The following DLGAP2 variants were observed in gnomAD, a reference collection of about 807,000 sequenced individuals.
DLGAP2 encodes DLG associated protein 2.
A neutral mutation model predicts 100.3 loss-of-function variants in DLGAP2; 26 were observed. The ratio of observed to expected loss-of-function variants is 0.26; its 90% CI spans 0.19 to 0.36. DLGAP2 has a LOEUF of 0.36. Among genes scored for constraint, DLGAP2 ranks in the 10% least tolerant of loss-of-function variants. DLGAP2 has a pLI of 1.00. For synonymous variants in DLGAP2, 886 were observed against 630.1 expected, an observed-to-expected ratio of 1.41 and a Z score of -6.08; for missense variants, 1,858 against 1,453.2, an observed-to-expected ratio of 1.28 and a Z score of -4.53.
At chr8:1,638,845 G>A (rs1341346688) in intron 8 of DLGAP2, among the ~76,000 whole-genome samples, 1 of 152,234 alleles carries the variant, frequency 6.6e-6, no homozygotes, top group Non-Finnish European at 1.5e-5. Flanking sequence ...CGCAGAGAAG[G>A]CAGCGGATGC....
intron 8 of DLGAP2, among the ~76,000 whole-genome samples, chr8:1,656,710 C>T (rs1254597311): frequency 6.6e-6 from 1 of 152,212 alleles, no homozygotes; most frequent in South Asian, 2.1e-4. Context: ...TCATTTCATG[C>T]AATTTTTATG....
In DLGAP2 at chr8:882,028, C is replaced by T. The variant is rs577805754; in HGVS notation, c.19-25884C>T. Among the ~76,000 whole-genome samples, 10 of 152,282 alleles carry T rather than the reference C, an allele frequency of 6.6e-5. No homozygotes were observed. In the South Asian group the frequency reaches 2.1e-3, roughly 32 times the overall value. The stretch of plus-strand genomic sequence containing the variant: ...GAGGGCATAAGTGCTCACCTGTGTC[C>T]TGTTCATTCTGGGCACTGAATTGTG... On this transcript the variant is annotated intron_variant, in intron 1 of 14. Transcript: ENST00000637795.
At chr8:1,099,250 T>G (rs1804500749) in intron 2 of DLGAP2, among the ~76,000 whole-genome samples, 1 of 152,182 alleles carries the variant, frequency 6.6e-6, no homozygotes, top group South Asian at 2.1e-4. Flanking sequence ...AGAGGGCTTC[T>G]GAGAGTTAAT....
At chr8:841,071 C>T (rs766595503) in intron 1 of DLGAP2, among the ~76,000 whole-genome samples, 46 of 152,122 alleles carry the variant, frequency 3.0e-4, no homozygotes, top group Non-Finnish European at 6.2e-4. Flanking sequence ...CCTTTTATTT[C>T]TCATATATAA....
intron 1 of DLGAP2, among the ~76,000 whole-genome samples, chr8:759,577 G>A (rs993118075): frequency 1.4e-4 from 21 of 150,200 alleles, no homozygotes; most frequent in African/African-American, 4.2e-4. Flanking sequence ...CAGAGTCCAC[G>A]GTTGATGTGG....
intron 6 of DLGAP2, among the ~76,000 whole-genome samples, chr8:1,579,100 A>G (rs1320054971): frequency 6.6e-6 from 1 of 152,232 alleles, no homozygotes; most frequent in African/African-American, 2.4e-5. Context: ...AGGTAGACCA[A>G]ATAATTTCAT....
chr8:1,356,538 C>T (rs1359485605), intron 3 of DLGAP2, among the ~76,000 whole-genome samples: 3 of 152,100 alleles, frequency 2.0e-5, no homozygotes, highest in Non-Finnish European at 2.9e-5. Context: ...GGAAGCGCTC[C>T]TCCCTCGGGG....
chr8:1,196,731 C>A (rs1006215810), intron 2 of DLGAP2, among the ~76,000 whole-genome samples: 1 of 152,184 alleles, frequency 6.6e-6, no homozygotes, highest in Non-Finnish European at 1.5e-5. Context: ...CAGTGGGGCT[C>A]CAGTAGCTGC....
intron 2 of DLGAP2, among the ~76,000 whole-genome samples, chr8:1,145,842 C>A (rs28455584): frequency 1.4e-5 from 2 of 145,650 alleles, no homozygotes; most frequent in African/African-American, 5.2e-5. Context: ...CAATTCCCAC[C>A]TATGAGTGAG....
intron 2 of DLGAP2, among the ~76,000 whole-genome samples, chr8:909,099 A>G (rs1345085127): frequency 6.6e-6 from 1 of 152,210 alleles, no homozygotes; most frequent in East Asian, 1.9e-4. Flanking sequence ...CTTCTTGAGA[A>G]TGAGGAACTG....
At chr8:1,587,782 AG>A (rs1341986879) in intron 6 of DLGAP2, among the ~76,000 whole-genome samples, 1 of 152,110 alleles carries the variant, frequency 6.6e-6, no homozygotes, top group Non-Finnish European at 1.5e-5. Context: ...TTCTCTTTTC[AG>A]GCCCTGCTTT....
chr8:1,526,239 C>T (rs1029201401), intron 4 of DLGAP2, among the ~76,000 whole-genome samples: 3 of 151,494 alleles, frequency 2.0e-5, no homozygotes, highest in East Asian at 2.0e-4. Flanking sequence ...GTTGCGGTGG[C>T]GATTGTGTTT....
At chr8:982,884 T>TTTTTTTGA (rs1800377931) in intron 2 of DLGAP2, among the ~76,000 whole-genome samples, 2 of 12,686 alleles carry the variant, frequency 1.6e-4, no homozygotes, top group African/African-American at 3.4e-4. Context: ...AAAGGTAGGA[T>TTTTTTTGA]TTTTTTTTTT....
rs76586505 is a variant in DLGAP2, at chr8:1,363,676, AC to A, written c.106+104794del. On this transcript the variant is annotated intron_variant, in intron 3 of 14. Transcript: ENST00000637795. Reference sequence around the variant, plus strand: ...TTGACCTTGCTTCTGGGTGGGGACAACAGTCAGGACATGGAGAGAAGCTGGA... The same window carrying A: ...TTGACCTTGCTTCTGGGTGGGGACAAAGTCAGGACATGGAGAGAAGCTGGA... 3.3e-3 allele frequency among the ~76,000 whole-genome samples: 497 copies of A among 152,290 alleles called. 18 individuals are homozygous for A. The East Asian group carries it at 0.074, about 23-fold the overall frequency.
At chr8:1,176,420 T>C (rs967368444) in intron 2 of DLGAP2, among the ~76,000 whole-genome samples, 1 of 152,212 alleles carries the variant, frequency 6.6e-6, no homozygotes, top group Non-Finnish European at 1.5e-5. Flanking sequence ...CCGTTAGATC[T>C]ACACTTTGGG....
intron 3 of DLGAP2, among the ~76,000 whole-genome samples, chr8:1,293,034 C>T (rs948815350): frequency 2.6e-5 from 4 of 152,150 alleles, no homozygotes; most frequent in Non-Finnish European, 4.4e-5. Context: ...CTTATCCAGG[C>T]CTTTGAGTCC....
chr8:1,158,840 A>G (rs1796840323), intron 2 of DLGAP2, among the ~76,000 whole-genome samples: 1 of 151,034 alleles, frequency 6.6e-6, no homozygotes. Flanking sequence ...CACTTTGGGG[A>G]CCCCGTTAGT....
intron 1 of DLGAP2, among the ~76,000 whole-genome samples, chr8:746,159 G>T (rs941786953): frequency 1.1e-4 from 17 of 152,226 alleles, no homozygotes; most frequent in African/African-American, 3.9e-4. Context: ...GCTTCTCAGA[G>T]AGACCAGGCC....
chr8:1,080,806 A>G lies in DLGAP2; in HGVS notation c.73+172840A>G, dbSNP rs1334569723. On this transcript the variant is annotated intron_variant, in intron 2 of 14. Transcript: ENST00000637795. ...AAGTGTTGAAATTATACTAGGTCAG[A>G]TCCACTCACTCAGCGCTCTGAGGAG... 6.6e-5 allele frequency among the ~76,000 whole-genome samples: 10 copies of G among 152,156 alleles called. 1 individual carries two copies. The South Asian group carries it at 2.1e-3, about 32-fold the overall frequency.
Sources: gnomAD v4.1 joint callset for allele counts (sites outside exome capture counted in the v4.1 genomes callset) on GRCh38, gnomAD v4.1.1 for gene constraint, MANE v1.5 for transcripts, NCBI Gene and HGNC (gene_info 2026-07-23, HGNC 2026-07-21) for gene names.